Variants in UBE2E2 observed in about 807,000 individuals in gnomAD.
The protein encoded by UBE2E2 is ubiquitin conjugating enzyme E2 E2.
Under a neutral mutation model 24.7 loss-of-function variants are expected in UBE2E2, and 6 were observed. That is an observed-to-expected ratio of 0.24 (90% CI 0.13 to 0.48). UBE2E2 has a LOEUF of 0.48. Among genes scored for constraint, UBE2E2 ranks in the 20% least tolerant of loss-of-function variants. The pLI is 0.99. For synonymous variants in UBE2E2, 104 were observed against 83.6 expected (o/e 1.24, Z -1.33); for missense variants, 169 against 245.0 (o/e 0.69, Z 2.07).
At chr3:23,321,648 A>G (rs947250516) in intron 3 of UBE2E2, among the ~76,000 whole-genome samples, 6 of 148,508 alleles carry the variant, frequency 4.0e-5, no homozygotes, top group African/African-American at 1.5e-4. Flanking sequence ...GAATGGGGGT[A>G]GTCTCTTATC....
chr3:23,279,077 A>G (rs1451272002), intron 3 of UBE2E2, among the ~76,000 whole-genome samples: 1 of 152,158 alleles, frequency 6.6e-6, no homozygotes, highest in Non-Finnish European at 1.5e-5. Context: ...GTTGGGTAGA[A>G]TAATCTTACC....
At chr3:23,469,600 A>C (rs1200433559) in intron 3 of UBE2E2, among the ~76,000 whole-genome samples, 1 of 152,016 alleles carries the variant, frequency 6.6e-6, no homozygotes, top group East Asian at 2.0e-4. Flanking sequence ...TCTCAGTAAT[A>C]AATAAAGCAG....
intron 5 of UBE2E2, among the ~76,000 whole-genome samples, chr3:23,557,440 GAACC>G (rs1289720838): frequency 6.6e-6 from 1 of 152,136 alleles, no homozygotes; most frequent in Non-Finnish European, 1.5e-5. Context: ...TACAAGACGG[GAACC>G]AACCCTGGAC....
At chr3:23,476,015 T>G (rs1699126379) in intron 3 of UBE2E2, among the ~76,000 whole-genome samples, 1 of 152,114 alleles carries the variant, frequency 6.6e-6, no homozygotes, top group African/African-American at 2.4e-5. Flanking sequence ...GAGTCACTTT[T>G]GTCTAAGCAT....
intron 4 of UBE2E2, among the ~76,000 whole-genome samples, chr3:23,530,333 G>A (rs1212557021): frequency 6.6e-6 from 1 of 151,988 alleles, no homozygotes; most frequent in Non-Finnish European, 1.5e-5. Context: ...AGTTACTGTG[G>A]TGAAAATGTC....
At chr3:23,311,570 C>T (rs1694393376) in intron 3 of UBE2E2, among the ~76,000 whole-genome samples, 1 of 152,092 alleles carries the variant, frequency 6.6e-6, no homozygotes, top group Admixed American at 6.6e-5. Flanking sequence ...CTTGTACAAC[C>T]TTGGTCAGTT....
In UBE2E2 at chr3:23,556,935, A is replaced by G. The variant is rs144143129; in HGVS notation, c.508+24234A>G. Among the ~76,000 whole-genome samples the G allele has an allele frequency of 5.9e-5, 9 of 152,328 alleles. No individual in the cohort carries two copies. In the East Asian group the frequency reaches 1.7e-3, roughly 29 times the overall value. On this transcript the variant is annotated intron_variant, in intron 5 of 5. Coordinates refer to ENST00000396703, the MANE Select transcript of UBE2E2 (RefSeq NM_152653.4). ...CATTTAACATTGTCAGTAGGTTCTT[A>G]TAATGAGACCAGTTTTACCATAGGC...
chr3:23,416,309 A>G (rs1472991554), intron 3 of UBE2E2, among the ~76,000 whole-genome samples: 1 of 152,116 alleles, frequency 6.6e-6, no homozygotes, highest in East Asian at 1.9e-4. Flanking sequence ...TTTGCTTATG[A>G]ATGTTAGTTT....
chr3:23,298,049 A>T (rs1198979551), intron 3 of UBE2E2, among the ~76,000 whole-genome samples: 1 of 151,886 alleles, frequency 6.6e-6, no homozygotes, highest in Non-Finnish European at 1.5e-5. Flanking sequence ...CTTTGAAGCA[A>T]TTGTGAATGG....
At chr3:23,222,355 ATATATAC>A (rs1696672538) in intron 3 of UBE2E2, among the ~76,000 whole-genome samples, 1 of 152,032 alleles carries the variant, frequency 6.6e-6, no homozygotes, top group Non-Finnish European at 1.5e-5. Flanking sequence ...TTTCTTTTTG[ATATATAC>A]TGATATGCTT....
chr3:23,419,754 AT>A, intron 3 of UBE2E2, among the ~76,000 whole-genome samples: 1 of 152,232 alleles, frequency 6.6e-6, no homozygotes. Context: ...CACTGAATAA[AT>A]TTTTGTTAAA....
At position 23,292,479 on chromosome 3, in the gene UBE2E2, A is replaced by G. The variant is rs186887534; in HGVS notation, c.227+75167A>G. Among the ~76,000 whole-genome samples, 42 of 152,220 alleles carry G rather than the reference A, an allele frequency of 2.8e-4. 1 individual carries two copies. In the East Asian group the frequency reaches 7.5e-3, roughly 27 times the overall value. ...GGCCATTCTTGAAGCCAGTGACACT[A>G]CATAGGGCCCAAGGCTTGCTCTCTC... On this transcript the variant is annotated intron_variant, in intron 3 of 5. Coordinates refer to ENST00000396703, the MANE Select transcript of UBE2E2 (RefSeq NM_152653.4).
intron 4 of UBE2E2, among the ~76,000 whole-genome samples, chr3:23,505,553 C>T (rs183280928): frequency 5.3e-5 from 8 of 152,244 alleles, no homozygotes; most frequent in Middle Eastern, 3.4e-3. Flanking sequence ...ATTTGTGCCT[C>T]AGGTGTTTTA....
intron 4 of UBE2E2, among the ~76,000 whole-genome samples, chr3:23,505,219 C>T (rs1005751032): frequency 3.8e-4 from 58 of 151,776 alleles, no homozygotes; most frequent in African/African-American, 1.4e-3. Flanking sequence ...CCGCCGCCGG[C>T]CTGTGTTAGA....
chr3:23,579,439 C>T (rs931033599), intron 5 of UBE2E2, among the ~76,000 whole-genome samples: 1 of 149,534 alleles, frequency 6.7e-6, no homozygotes, highest in Admixed American at 6.7e-5. Context: ...ATCTGTAATC[C>T]CAGTGCTTTG....
intron 5 of UBE2E2, among the ~76,000 whole-genome samples, chr3:23,585,239 C>G (rs184674122): frequency 6.6e-6 from 1 of 151,796 alleles, no homozygotes; most frequent in Admixed American, 6.6e-5. Context: ...GGACATGCTA[C>G]TGTGTGCCTG....
intron 5 of UBE2E2, among the ~76,000 whole-genome samples, chr3:23,557,517 G>C (rs1172415315): frequency 3.9e-5 from 6 of 152,138 alleles, no homozygotes; most frequent in African/African-American, 1.4e-4. Context: ...CACTGGGACA[G>C]TTTAGATACA....
chr3:23,462,553 C>G (rs1176207726), intron 3 of UBE2E2, among the ~76,000 whole-genome samples: 1 of 152,120 alleles, frequency 6.6e-6, no homozygotes, highest in Non-Finnish European at 1.5e-5. Flanking sequence ...AGTCCTTTCC[C>G]TACTCCTCTT....
rs1695865306 is a variant in UBE2E2 at position 23,559,338 on chromosome 3, A to G, written c.508+26637A>G. 2.6e-5 allele frequency among the ~76,000 whole-genome samples: 4 copies of G among 152,126 alleles called. No individual in the cohort carries two copies. In the South Asian group the frequency reaches 8.3e-4, roughly 32 times the overall value. On this transcript the variant is annotated intron_variant, in intron 5 of 5. Transcript: ENST00000396703. ...TCACTGGGCATGGTAGGCATTAAAC[A>G]TCCTGGTTTTTCTGACCTGTAGTCA...
Sources: gnomAD v4.1 joint callset for allele counts (sites outside exome capture counted in the v4.1 genomes callset) on GRCh38, gnomAD v4.1.1 for gene constraint, MANE v1.5 for transcripts, NCBI Gene and HGNC (gene_info 2026-07-23, HGNC 2026-07-21) for gene names.